FAM47B: variants seen among roughly 807,000 people sequenced by gnomAD.
The protein encoded by FAM47B is protein FAM47B.
For synonymous variants in FAM47B, 247 were observed against 215.8 expected (o/e 1.14, Z -1.27); for missense variants, 581 against 550.1 (o/e 1.06, Z -0.56).
chrX:34,944,025 C>G lies in FAM47B; in HGVS notation c.1194C>G (p.Arg398=). ...TTGAGAGTCGGATGCCCCATCTCCG[C>G]CTGGTGCTTCCCATAACTCGTCGAA... ...RPFESRMPHL[R]LVLPITRRMA... The change falls in exon 1 of 1, where the codon CGC becomes CGG. Residue 398 remains arginine, a synonymous_variant. Transcript: ENST00000329357. 1 of 1,209,801 alleles carries G rather than the reference C, an allele frequency of 8.3e-7. No individual in the cohort carries two copies. Among genetic ancestry groups the G allele is most frequent in the Non-Finnish European group, 1.1e-6 (1 of 895,111 alleles).
In FAM47B at chrX:34,944,548, G is replaced by A. The variant is rs1245838847; in HGVS notation, c.1717G>A (p.Val573Ile). Reference protein sequence around the residue: ...SDEPLIDPKPVLEKPDEPDIL... With the variant: ...SDEPLIDPKPILEKPDEPDIL... ...TGAACCTTTGATTGACCCCAAGCCC[G>A]TACTTGAAAAGCCTGATGAACCCGA... Residue 573 changes from valine to isoleucine, a missense_variant, in exon 1 of 1, where the codon GTA (valine) becomes ATA (isoleucine). Val to Ile is a conservative substitution (Grantham distance 29). Transcript: ENST00000329357. The A allele has an allele frequency of 8.3e-7, 1 of 1,209,982 alleles. No individual in the cohort carries two copies. The highest frequency in any genetic ancestry group is 3.0e-5 in the East Asian group (1 of 33,815).
chrX:34,944,356 A>T lies in FAM47B; in HGVS notation c.1525A>T (p.Met509Leu), dbSNP rs1370816087. ...GGCAAACGAGTGTGCTTCAAGGCTG[A>T]TGTACGGCATGGAGCTAGACGACAT... ...KKANECASRL[M>L]YGMELDDMDE... The change falls in exon 1 of 1, where the codon ATG becomes TTG. Residue 509 changes from methionine (M) to leucine (L), a missense_variant. Physicochemically the swap from Met to Leu is conservative, Grantham distance 15. Transcript: ENST00000329357. 2.5e-6 allele frequency: 3 copies of T among 1,210,239 alleles called. No individual in the cohort carries two copies. Among genetic ancestry groups the T allele is most frequent in the Non-Finnish European group, 3.4e-6 (3 of 895,391 alleles).
At position 34,943,849 on chromosome X, in the gene FAM47B, C is replaced by G. The variant is rs375171840; in HGVS notation, c.1018C>G (p.Arg340Gly). The change falls in exon 1 of 1, where the codon CGG (arginine) becomes GGG (glycine). Residue 340 changes from arginine (R) to glycine (G), a missense_variant. Coordinates refer to ENST00000329357, the MANE Select transcript of FAM47B (RefSeq NM_152631.3). ...HLCLEPPNTHRVSSFLLQVLK... is the reference protein window; with the variant it reads ...HLCLEPPNTHGVSSFLLQVLK... ...CTGCCTGGAACCTCCCAACACTCAT[C>G]GGGTGTCCAGTTTCCTACTACAGGT... 6 of 1,207,157 alleles carry G rather than the reference C, an allele frequency of 5.0e-6. No homozygotes were observed. The East Asian group carries it at 1.2e-4, about 24-fold the overall frequency.
Position 34,944,694 on chromosome X carries a change from T to G in FAM47B, c.1863T>G (p.Val621=). ...FAKKGWTYDS[V]KTPIQRAVQV... ...AGAAGGGATGGACTTACGACTCTGTTAAGACTCCTATTCAACGTGCAGTGC... is the reference window on the plus strand; with the variant it reads ...AGAAGGGATGGACTTACGACTCTGTGAAGACTCCTATTCAACGTGCAGTGC... The change falls in exon 1 of 1, where the codon GTT becomes GTG. Residue 621 remains valine, a synonymous_variant. Transcript: ENST00000329357. 1 of 1,205,633 alleles carries G rather than the reference T, an allele frequency of 8.3e-7. No homozygotes were observed. The highest frequency in any genetic ancestry group is 1.1e-6 in the Non-Finnish European group (1 of 891,997).
In FAM47B at chrX:34,943,919, G is replaced by T. The variant is rs137944304; in HGVS notation, c.1088G>T (p.Arg363Leu). The T allele has an allele frequency of 2.1e-4, 256 of 1,208,995 alleles. No individual in the cohort carries two copies. In the African/African-American group the frequency reaches 3.9e-3, roughly 18 times the overall value. The stretch of plus-strand genomic sequence containing the variant: ...AAGAAGCTGGAAGACGCACGGGCTC[G>T]TTGTGAGGGCCAGGAGATGACAACC... ...SEKKLEDARARCEGQEMTTEE... is the reference protein window; with the variant it reads ...SEKKLEDARALCEGQEMTTEE... Residue 363 changes from arginine to leucine, a missense_variant, in exon 1 of 1, where the codon CGT (arginine) becomes CTT (leucine). Transcript: ENST00000329357.
chrX:34,944,452 G>A lies in FAM47B; in HGVS notation c.1621G>A (p.Ala541Thr). The A allele has an allele frequency of 8.3e-7, 1 of 1,211,884 alleles. No individual in the cohort carries two copies. Among genetic ancestry groups the A allele is most frequent in the Non-Finnish European group, 1.1e-6 (1 of 895,581 alleles). Reference protein sequence around the residue: ...RRRAAPHSYSAQRGRIRYGPW... With the variant: ...RRRAAPHSYSTQRGRIRYGPW... ...CCGGGCGGCACCGCATTCTTATAGT[G>A]CACAGCGTGGGAGGATAAGGTATGG... is the stretch of plus-strand genomic sequence containing the variant. Residue 541 changes from alanine to threonine, a missense_variant, in exon 1 of 1, where the codon GCA becomes ACA. Physicochemically the swap from Ala to Thr is moderately conservative, Grantham distance 58. Coordinates refer to ENST00000329357, the MANE Select transcript of FAM47B (RefSeq NM_152631.3).
chrX:34,944,760 A>G lies in FAM47B; in HGVS notation c.1929A>G (p.Lys643=). The stretch of plus-strand genomic sequence containing the variant: ...AAGAAGACGTCACAGATGCATCAAA[A>G]GAAGATTAGATGGTTTTCAATTTAC... ...KYKEDVTDAS[K]ED is the part of the protein sequence containing the mutation. Residue 643 remains lysine (K), a synonymous_variant, in exon 1 of 1, where the codon AAA becomes AAG. Coordinates refer to ENST00000329357, the MANE Select transcript of FAM47B (RefSeq NM_152631.3). 1 of 1,153,229 alleles carries G rather than the reference A, an allele frequency of 8.7e-7. No individual in the cohort carries two copies. The highest frequency in any genetic ancestry group is 1.2e-6 in the Non-Finnish European group (1 of 867,126).
rs142624529 is a variant in FAM47B at position 34,944,695 on chromosome X, A to G, written c.1864A>G (p.Lys622Glu). Residue 622 changes from lysine (K) to glutamate (E), a missense_variant, in exon 1 of 1, where the codon AAG becomes GAG. Coordinates refer to ENST00000329357, the MANE Select transcript of FAM47B (RefSeq NM_152631.3). ...AKKGWTYDSV[K>E]TPIQRAVQVY... ...GAAGGGATGGACTTACGACTCTGTT[A>G]AGACTCCTATTCAACGTGCAGTGCA... 1.9e-5 allele frequency: 23 copies of G among 1,204,225 alleles called. No homozygotes were observed. In the African/African-American group the frequency reaches 3.5e-4, roughly 18 times the overall value.
chrX:34,943,166 C>T lies in FAM47B; in HGVS notation c.335C>T (p.Pro112Leu). 1 of 1,211,798 alleles carries T rather than the reference C, an allele frequency of 8.3e-7. No homozygotes were observed. The highest frequency in any genetic ancestry group is 1.8e-5 in the South Asian group (1 of 56,984). ...ALFSELSPVQ[P>L]ARKAFVEEVE... ...TTTTCCGAGCTCTCGCCAGTACAGC[C>T]AGCACGGAAGGCGTTCGTAGAGGAA... The change falls in exon 1 of 1, where the codon CCA becomes CTA. Residue 112 changes from proline to leucine, a missense_variant. Pro to Leu is a moderately conservative substitution (Grantham distance 98, BLOSUM62 -3). Coordinates refer to ENST00000329357, the MANE Select transcript of FAM47B (RefSeq NM_152631.3).
In FAM47B at chrX:34,942,849, A is replaced by G. The variant is rs1416849507; in HGVS notation, c.18A>G (p.Pro6=). Residue 6 remains proline (P), a synonymous_variant, in exon 1 of 1, where the codon CCA becomes CCG. Transcript: ENST00000329357. ...GGGCCACCATGGGGGACCGGAGGCCACAGGACCGGCCAAGGTCCCAAGGCA... is the reference window on the plus strand; with the variant it reads ...GGGCCACCATGGGGGACCGGAGGCCGCAGGACCGGCCAAGGTCCCAAGGCA... The part of the protein sequence containing the change: MGDRR[P]QDRPRSQGMD... 14 of 1,203,128 alleles carry G rather than the reference A, an allele frequency of 1.2e-5. No homozygotes were observed. The highest frequency in any genetic ancestry group is 5.3e-5 in the African/African-American group (3 of 57,115).
At position 34,943,750 on chromosome X, in the gene FAM47B, C is replaced by A. The variant is rs1926827837; in HGVS notation, c.919C>A (p.Leu307Ile). The A allele has an allele frequency of 8.3e-7, 1 of 1,209,455 alleles. No individual in the cohort carries two copies. Among genetic ancestry groups the A allele is most frequent in the East Asian group, 3.0e-5 (1 of 33,696 alleles). ...GCCTCCTGAGACTGGAGTGTCCCAT[C>A]TCCGCCCAGAGCCTTCCAAGACTCA... ...PEPPETGVSH[L>I]RPEPSKTQVS... Residue 307 changes from leucine (L) to isoleucine (I), a missense_variant, in exon 1 of 1, where the codon CTC becomes ATC. Leu to Ile is a conservative substitution (Grantham distance 5). Coordinates refer to ENST00000329357, the MANE Select transcript of FAM47B (RefSeq NM_152631.3).
chrX:34,942,839 A>G lies in FAM47B; in HGVS notation c.8A>G (p.Asp3Gly). ...ACAACAGAGAGGGCCACCATGGGGGACCGGAGGCCACAGGACCGGCCAAGG... is the reference window on the plus strand; with the variant it reads ...ACAACAGAGAGGGCCACCATGGGGGGCCGGAGGCCACAGGACCGGCCAAGG... MG[D>G]RRPQDRPRSQ... Residue 3 changes from aspartate (D) to glycine (G), a missense_variant, in exon 1 of 1, where the codon GAC (aspartate) becomes GGC (glycine). Coordinates refer to ENST00000329357, the MANE Select transcript of FAM47B (RefSeq NM_152631.3). 8.4e-7 allele frequency: 1 copy of G among 1,196,271 alleles called. No homozygotes were observed. Among genetic ancestry groups the G allele is most frequent in the Non-Finnish European group, 1.1e-6 (1 of 885,861 alleles).
At position 34,943,819 on chromosome X, in the gene FAM47B, C is replaced by T. The variant is rs1455057229; in HGVS notation, c.988C>T (p.His330Tyr). The change falls in exon 1 of 1, where the codon CAT becomes TAT. Residue 330 changes from histidine to tyrosine, a missense_variant. Physicochemically the swap from His to Tyr is moderately conservative, Grantham distance 83. Transcript: ENST00000329357. ...CPEPPEAGVSHLCLEPPNTHR... is the reference protein window; with the variant it reads ...CPEPPEAGVSYLCLEPPNTHR... ...GGAGCCTCCCGAGGCTGGAGTGTCCCATCTCTGCCTGGAACCTCCCAACAC... is the reference window on the plus strand; with the variant it reads ...GGAGCCTCCCGAGGCTGGAGTGTCCTATCTCTGCCTGGAACCTCCCAACAC... 8.3e-7 allele frequency: 1 copy of T among 1,210,322 alleles called. No homozygotes were observed.
chrX:34,942,827 C>T lies in FAM47B; in HGVS notation c.-5C>T, dbSNP rs751415500. ...TGGAGAGGTGGCACAACAGAGAGGGCCACCATGGGGGACCGGAGGCCACAG... is the reference window on the plus strand; with the variant it reads ...TGGAGAGGTGGCACAACAGAGAGGGTCACCATGGGGGACCGGAGGCCACAG... On this transcript the variant is annotated 5_prime_UTR_variant, in exon 1 of 1. Coordinates refer to ENST00000329357, the MANE Select transcript of FAM47B (RefSeq NM_152631.3). The T allele has an allele frequency of 5.1e-6, 6 of 1,185,131 alleles. No individual in the cohort carries two copies. The highest frequency in any genetic ancestry group is 3.5e-5 in the African/African-American group (2 of 56,509).
chrX:34,944,516 G>A lies in FAM47B; in HGVS notation c.1685G>A (p.Arg562Lys). 8.3e-7 allele frequency: 1 copy of A among 1,211,813 alleles called. No individual in the cohort carries two copies. The highest frequency in any genetic ancestry group is 1.1e-6 in the Non-Finnish European group (1 of 895,519). Residue 562 changes from arginine (R) to lysine (K), a missense_variant, in exon 1 of 1, where the codon AGA becomes AAA. By Grantham distance (26) the Arg-to-Lys change is conservative. Transcript: ENST00000329357. ...YFEPKLGKKL[R>K]SDEPLIDPKP... ...GAGCCTAAGTTGGGGAAAAAGCTAAGAAGTGATGAACCTTTGATTGACCCC... is the reference window on the plus strand; with the variant it reads ...GAGCCTAAGTTGGGGAAAAAGCTAAAAAGTGATGAACCTTTGATTGACCCC...
rs1203244893 is a variant in FAM47B at position 34,943,589 on chromosome X, A to G, written c.758A>G (p.Glu253Gly). 1 of 1,206,869 alleles carries G rather than the reference A, an allele frequency of 8.3e-7. No individual in the cohort carries two copies. Among genetic ancestry groups the G allele is most frequent in the Non-Finnish European group, 1.1e-6 (1 of 894,363 alleles). ...RASHLRVDPP[E>G]TGVSHLCPEP... ...TCTCATCTCCGCGTGGATCCTCCCGAGACTGGAGTGTCCCATCTCTGCCCA... is the reference window on the plus strand; with the variant it reads ...TCTCATCTCCGCGTGGATCCTCCCGGGACTGGAGTGTCCCATCTCTGCCCA... Residue 253 changes from glutamate to glycine, a missense_variant, in exon 1 of 1, where the codon GAG (glutamate) becomes GGG (glycine). By Grantham distance (98) the Glu-to-Gly change is moderately conservative. Transcript: ENST00000329357.
rs747066375 is a variant in FAM47B, at chrX:34,943,760, A to C, written c.929A>C (p.Glu310Ala). ...PETGVSHLRP[E>A]PSKTQVSSLC... Reference sequence around the variant, plus strand: ...ACTGGAGTGTCCCATCTCCGCCCAGAGCCTTCCAAGACTCAGGTGTCCAGT... The same window carrying C: ...ACTGGAGTGTCCCATCTCCGCCCAGCGCCTTCCAAGACTCAGGTGTCCAGT... Residue 310 changes from glutamate (E) to alanine (A), a missense_variant, in exon 1 of 1, where the codon GAG (glutamate) becomes GCG (alanine). By Grantham distance (107) the Glu-to-Ala change is moderately radical (BLOSUM62 -1). Coordinates refer to ENST00000329357, the MANE Select transcript of FAM47B (RefSeq NM_152631.3). The C allele has an allele frequency of 1.2e-5, 15 of 1,209,356 alleles. No homozygotes were observed. The highest frequency in any genetic ancestry group is 2.2e-5 in the Admixed American group (1 of 45,775).
In FAM47B at chrX:34,944,406, A is replaced by G. The variant is rs1292632325; in HGVS notation, c.1575A>G (p.Ile525Met). Residue 525 changes from isoleucine to methionine, a missense_variant, in exon 1 of 1, where the codon ATA (isoleucine) becomes ATG (methionine). Ile to Met is a conservative substitution (Grantham distance 10). Transcript: ENST00000329357. ...TGGATGAGGTCGAATTCTTACGGATAAAATACTGGGACAGGAGACGCCGGG... is the reference window on the plus strand; with the variant it reads ...TGGATGAGGTCGAATTCTTACGGATGAAATACTGGGACAGGAGACGCCGGG... ...DDMDEVEFLR[I>M]KYWDRRRRAA... The G allele has an allele frequency of 2.5e-6, 3 of 1,211,994 alleles. No individual in the cohort carries two copies. Among genetic ancestry groups the G allele is most frequent in the East Asian group, 3.0e-5 (1 of 33,827 alleles).
Position 34,943,695 on chromosome X carries a change from C to G in FAM47B, c.864C>G (p.Pro288=), listed in dbSNP as rs142684131. 47 of 1,205,248 alleles carry G rather than the reference C, an allele frequency of 3.9e-5. No homozygotes were observed. Among genetic ancestry groups the G allele is most frequent in the Non-Finnish European group, 4.8e-5 (43 of 893,764 alleles). Residue 288 remains proline (P), a synonymous_variant, in exon 1 of 1, where the codon CCC becomes CCG. Transcript: ENST00000329357. ...TGASHLCPEP[P]ETRVSHLHPE... ...CGTCCCATCTCTGCCCGGAGCCTCC[C>G]GAGACTCGCGTATCTCATCTCCACC...
Sources: allele counts gnomAD v4.1 joint callset, GRCh38; gene constraint gnomAD v4.1.1; transcripts MANE v1.5; gene names NCBI Gene and HGNC (gene_info 2026-07-23, HGNC 2026-07-21).